AHI1: variants seen among roughly 807,000 people sequenced by gnomAD.
AHI1 encodes Abelson helper integration site 1, also known as jouberin.
Under a neutral mutation model 149.3 loss-of-function variants are expected in AHI1, and 123 were observed. That is an observed-to-expected ratio of 0.82 (90% confidence interval 0.71 to 0.96). The LOEUF (loss-of-function observed/expected upper bound fraction) is 0.96, where lower values mean the gene tolerates loss of function less well. Ranked by LOEUF, AHI1 falls within the 40% of genes least tolerant of loss-of-function variation. The pLI, the probability that AHI1 is intolerant of heterozygous loss-of-function variation, is 0.00. For missense variants in AHI1, 1,439 were observed against 1,422.7 expected (o/e 1.01, Z -0.18); for synonymous variants, 475 against 459.8 (o/e 1.03, Z -0.42).
At chr6:135,321,573 G>T (rs1487299319) in intron 25 of AHI1, among the ~76,000 whole-genome samples, 1 of 152,086 alleles carries the variant, frequency 6.6e-6, no homozygotes, top group East Asian at 1.9e-4. Context: ...CCCAGCATCC[G>T]GTAATCACGA....
chr6:135,444,056 C>T (rs1217694473), intron 13 of AHI1, among the ~76,000 whole-genome samples: 1 of 152,186 alleles, frequency 6.6e-6, no homozygotes, highest in African/African-American at 2.4e-5. Context: ...ACAACAGACA[C>T]TCAATGAAAG....
intron 14 of AHI1, among the ~76,000 whole-genome samples, chr6:135,440,255 C>CA (rs1380921589): frequency 2.6e-5 from 4 of 152,116 alleles, no homozygotes; most frequent in Non-Finnish European, 5.9e-5. Flanking sequence ...ACCTGGCTCA[C>CA]AGCATGCTCT....
chr6:135,412,542 G>T (rs1781754114), intron 20 of AHI1, among the ~76,000 whole-genome samples: 1 of 152,150 alleles, frequency 6.6e-6, no homozygotes, highest in Non-Finnish European at 1.5e-5. Flanking sequence ...TGAATGTTCT[G>T]ATGATGACTG....
At position 135,455,920 on chromosome 6, in the gene AHI1, C is replaced by T. The variant is rs774823036; in HGVS notation, c.1158G>A (p.Arg386=). 9 of 1,452,864 alleles carry T rather than the reference C, an allele frequency of 6.2e-6. No individual in the cohort carries two copies. Among genetic ancestry groups the T allele is most frequent in the South Asian group, 1.7e-5 (1 of 58,770 alleles). 90.0% of individuals were successfully genotyped at this position (1,452,864 alleles called of 1,614,324 possible). ...GQYVKKDDSG[R]PVSSYYEKEN... ...CTTTTTCATAGTAAGATGAAACAGG[C>T]CGTCCACTGTACAAAAAAAGATACT... is the stretch of plus-strand genomic sequence containing the variant. The change falls in exon 10 of 29, where the codon CGG becomes CGA. Residue 386 remains arginine, a synonymous_variant. Coordinates refer to ENST00000265602, the MANE Select transcript of AHI1 (RefSeq NM_001134831.2).
intron 23 of AHI1, among the ~76,000 whole-genome samples, chr6:135,373,074 T>G (rs1371307247): frequency 6.6e-6 from 1 of 152,234 alleles, no homozygotes; most frequent in African/African-American, 2.4e-5. Flanking sequence ...GTTAACGTAC[T>G]AGGACTGTTT....
At chr6:135,481,833 G>A (rs1006601978) in intron 5 of AHI1, among the ~76,000 whole-genome samples, 3 of 146,626 alleles carry the variant, frequency 2.0e-5, no homozygotes, top group Admixed American at 6.8e-5. Flanking sequence ...AAATGAAGGC[G>A]AAATAAAAAC....
In AHI1 at chr6:135,314,250, A is replaced by T. The variant is rs557504247; in HGVS notation, c.3426+4269T>A. ...TGAGGGCAGAGCCCTCATAAATGGT[A>T]TTGGTGCTTTTATAATGAGAGACAC... On this transcript the variant is annotated intron_variant, in intron 26 of 28. Coordinates refer to ENST00000265602, the MANE Select transcript of AHI1 (RefSeq NM_001134831.2). Among the ~76,000 whole-genome samples, 38 of 152,302 alleles carry T rather than the reference A, an allele frequency of 2.5e-4. No individual in the cohort carries two copies. In the South Asian group the frequency reaches 7.5e-3, roughly 30 times the overall value.
At chr6:135,463,984 C>T (rs1488750078) in intron 7 of AHI1, among the ~76,000 whole-genome samples, 2 of 152,042 alleles carry the variant, frequency 1.3e-5, no homozygotes, top group African/African-American at 4.8e-5. Context: ...AAATTAATTC[C>T]TTGGTGAGTC....
chr6:135,310,847 A>G (rs761497239), intron 26 of AHI1, among the ~76,000 whole-genome samples: 6 of 152,232 alleles, frequency 3.9e-5, no homozygotes, highest in South Asian at 2.1e-4. Context: ...ACACTAATAG[A>G]AGGTAAATAG....
intron 24 of AHI1, among the ~76,000 whole-genome samples, chr6:135,323,536 G>A (rs559296289): frequency 2.2e-4 from 34 of 152,290 alleles, no homozygotes; most frequent in Non-Finnish European, 3.7e-4. Context: ...AAATGGTTAC[G>A]AGCATTCAAT....
intron 23 of AHI1, among the ~76,000 whole-genome samples, chr6:135,374,104 ATATATTTTTTT>A (rs1237387828): frequency 0.046 from 1,474 of 31,728 alleles, 16 homozygotes; most frequent in African/African-American, 0.1. Flanking sequence ...ATATATATAT[ATATATTTTTTT>A]TTTTTTTTTT....
At position 135,428,721 on chromosome 6, in the gene AHI1, C is replaced by T. The variant is rs1267610948; in HGVS notation, c.2531G>A (p.Arg844Gln). 37 of 1,606,090 alleles carry T rather than the reference C, an allele frequency of 2.3e-5. No individual in the cohort carries two copies. The highest frequency in any genetic ancestry group is 3.3e-5 in the South Asian group (3 of 89,650). The change falls in exon 19 of 29, where the codon CGG (arginine) becomes CAG (glutamine). Residue 844 changes from arginine (R) to glutamine (Q), a missense_variant. Coordinates refer to ENST00000265602, the MANE Select transcript of AHI1 (RefSeq NM_001134831.2). ...AGTCAAAGTACTATGAATCTTCTCC[C>T]GATAATTTGCTGCTCCTACAAACTT... Reference protein sequence around the residue: ...ARKFVGAANYREKIHSTLTPC... With the variant: ...ARKFVGAANYQEKIHSTLTPC...
At chr6:135,302,641 T>C in intron 26 of AHI1, 1 of 1,164,120 alleles carries the variant, frequency 8.6e-7, no homozygotes, top group Non-Finnish European at 1.1e-6. Flanking sequence ...CATTACAAAG[T>C]TTACCACTTA....
At chr6:135,458,802 A>C (rs928907181) in intron 8 of AHI1, among the ~76,000 whole-genome samples, 2 of 152,160 alleles carry the variant, frequency 1.3e-5, no homozygotes, top group African/African-American at 4.8e-5. Flanking sequence ...GAGACAGAAG[A>C]CTAAATGGCT....
At chr6:135,370,022 T>G (rs555158678) in intron 23 of AHI1, among the ~76,000 whole-genome samples, 1 of 152,338 alleles carries the variant, frequency 6.6e-6, no homozygotes, top group South Asian at 2.1e-4. Flanking sequence ...GTAGGATTCC[T>G]TTTATTCATT....
At chr6:135,343,511 C>T (rs981138471) in intron 24 of AHI1, among the ~76,000 whole-genome samples, 2 of 151,474 alleles carry the variant, frequency 1.3e-5, no homozygotes, top group African/African-American at 2.4e-5. Flanking sequence ...TAATTAAAAC[C>T]GTGTAATGCT....
intron 6 of AHI1, 149 bp from the exon 7 acceptor site, chr6:135,466,522 T>TTTG: frequency 1.5e-6 from 1 of 683,878 alleles, no homozygotes; most frequent in Non-Finnish European, 2.4e-6. Context: ...TTTTAGAGCA[T>TTTG]ATGAGTACTC....
intron 20 of AHI1, among the ~76,000 whole-genome samples, chr6:135,426,628 A>T (rs774356041): frequency 3.2e-4 from 48 of 151,664 alleles, no homozygotes; most frequent in Non-Finnish European, 6.5e-4. Context: ...AAATTAAAGA[A>T]ATATATGAAA....
At chr6:135,485,125 G>C (rs1307708665) in intron 5 of AHI1, among the ~76,000 whole-genome samples, 2 of 150,882 alleles carry the variant, frequency 1.3e-5, no homozygotes, top group Non-Finnish European at 2.9e-5. Flanking sequence ...CCAGGCTGGA[G>C]TGAGGTGGCA....
Sources: allele counts gnomAD v4.1 joint callset (sites outside exome capture counted in the v4.1 genomes callset), GRCh38; gene constraint gnomAD v4.1.1; transcripts MANE v1.5; gene names NCBI Gene and HGNC (gene_info 2026-07-23, HGNC 2026-07-21).